The following PTPRG variants were observed in gnomAD, a reference collection of about 807,000 sequenced individuals.
PTPRG encodes the protein receptor-type tyrosine-protein phosphatase gamma.
PTPRG carries 102 observed loss-of-function variants against 165.3 expected under a neutral mutation model. The ratio of observed to expected loss-of-function variants is 0.62; its 90% CI spans 0.53 to 0.73. The LOEUF (loss-of-function observed/expected upper bound fraction) is 0.73. PTPRG is among the 30% of genes least tolerant of loss of function. The pLI is 0.00. For missense variants in PTPRG, 1,866 were observed against 1,861.4 expected (o/e 1.00, Z -0.05); for synonymous variants, 675 against 669.5 (o/e 1.01, Z -0.13).
chr3:61,570,733 C>G (rs1028139584), intron 1 of PTPRG, among the ~76,000 whole-genome samples: 1 of 152,180 alleles, frequency 6.6e-6, no homozygotes, highest in African/African-American at 2.4e-5. Context: ...GGAAATATTA[C>G]TGACTTTTTA....
intron 14 of PTPRG, among the ~76,000 whole-genome samples, chr3:62,234,988 G>A (rs994633828): frequency 6.6e-6 from 1 of 151,562 alleles, no homozygotes; most frequent in Non-Finnish European, 1.5e-5. Context: ...GTAATCTGGG[G>A]CTTAGTGAAG....
chr3:62,037,013 T>C (rs1699967583), intron 4 of PTPRG, among the ~76,000 whole-genome samples: 1 of 136,962 alleles, frequency 7.3e-6, no homozygotes, highest in Admixed American at 7.0e-5. Context: ...ACACACAGTG[T>C]TCCCTGATGT....
chr3:61,804,679 CA>C (rs201093675), intron 2 of PTPRG, among the ~76,000 whole-genome samples: 11,475 of 115,246 alleles, frequency 0.1, 515 homozygotes, highest in East Asian at 0.24. Context: ...TTTCTCTCTC[CA>C]AAAAAAAAAA....
In PTPRG at chr3:62,297,486, G is replaced by A. The variant is rs1559785558; in HGVS notation, c.*4179G>A. 2 of 150,820 alleles carry A rather than the reference G, an allele frequency of 1.3e-5. No individual in the cohort carries two copies. The highest frequency in any genetic ancestry group is 3.0e-5 in the Non-Finnish European group (2 of 67,684). The allele number at this position is 150,820 out of a possible 1,614,324, so 9.3% of individuals were successfully genotyped here. On this transcript the variant is annotated 3_prime_UTR_variant, in exon 30 of 30. Coordinates refer to ENST00000474889, the MANE Select transcript of PTPRG (RefSeq NM_002841.4). The stretch of plus-strand genomic sequence containing the variant: ...TTTTTAAATTTGTTCAGGGGGAGGG[G>A]TTTTGTAACCTGAAATTTTTCCCTT...
chr3:62,074,352 C>CTTTTTTTTTTTTTTT (rs200189646), intron 4 of PTPRG, among the ~76,000 whole-genome samples: 7 of 109,112 alleles, frequency 6.4e-5, no homozygotes, highest in African/African-American at 1.2e-4. Flanking sequence ...TCTTTTCTTT[C>CTTTTTTTTTTTTTTT]TTTTTTTTTT....
chr3:61,764,915 G>A (rs1242081541), intron 2 of PTPRG, among the ~76,000 whole-genome samples: 1 of 152,168 alleles, frequency 6.6e-6, no homozygotes, highest in Non-Finnish European at 1.5e-5. Flanking sequence ...GGCATTTAGT[G>A]GGTAGAGGAA....
chr3:62,251,509 G>A (rs527579906), intron 15 of PTPRG, among the ~76,000 whole-genome samples: 17 of 152,216 alleles, frequency 1.1e-4, no homozygotes, highest in Admixed American at 1.3e-4. Context: ...ATGGTGGCAC[G>A]GAACTATACC....
intron 5 of PTPRG, among the ~76,000 whole-genome samples, chr3:62,095,191 C>T (rs1702070227): frequency 6.6e-6 from 1 of 152,136 alleles, no homozygotes; most frequent in Non-Finnish European, 1.5e-5. Flanking sequence ...GTACCATCAC[C>T]AGTTGTTAAG....
At chr3:62,083,396 C>T (rs974431564) in intron 5 of PTPRG, among the ~76,000 whole-genome samples, 14 of 152,184 alleles carry the variant, frequency 9.2e-5, no homozygotes, top group Admixed American at 2.0e-4. Context: ...CCACCGTGCC[C>T]GGCTTTGCCA....
At chr3:62,050,711 A>C (rs905981084) in intron 4 of PTPRG, among the ~76,000 whole-genome samples, 2 of 152,170 alleles carry the variant, frequency 1.3e-5, no homozygotes, top group Non-Finnish European at 2.9e-5. Context: ...CATAACTGCA[A>C]AGTCCAGAGG....
chr3:61,792,584 A>G (rs1289938237), intron 2 of PTPRG, among the ~76,000 whole-genome samples: 2 of 152,192 alleles, frequency 1.3e-5, no homozygotes, highest in Non-Finnish European at 2.9e-5. Flanking sequence ...CAATGAATTC[A>G]GGAATTTGGG....
Position 62,099,793 on chromosome 3 carries a change from C to CTTTTT in PTPRG, c.615+21554_615+21558dup, listed in dbSNP as rs759385441. ...TAGTCATAGTACTTAAGTGTTAAAT[C>CTTTTT]TTTTTTTTTTTTTTTTTTTTTTTGA... On this transcript the variant is annotated intron_variant, in intron 5 of 29. Transcript: ENST00000474889. Among the ~76,000 whole-genome samples the CTTTTT allele has an allele frequency of 3.2e-3, 288 of 90,742 alleles. 3 individuals carry two copies. Among genetic ancestry groups the CTTTTT allele is most frequent in the South Asian group, 4.9e-3 (11 of 2,246 alleles). 59.5% of individuals were successfully genotyped at this position (90,742 alleles called of 152,430 possible).
At chr3:62,026,745 G>A (rs2041812380) in intron 4 of PTPRG, among the ~76,000 whole-genome samples, 1 of 151,982 alleles carries the variant, frequency 6.6e-6, no homozygotes, top group African/African-American at 2.4e-5. Context: ...AATTAGCCAG[G>A]CGTGGTGGCA....
chr3:61,920,247 C>T (rs771113525), intron 2 of PTPRG, among the ~76,000 whole-genome samples: 1 of 152,180 alleles, frequency 6.6e-6, no homozygotes, highest in African/African-American at 2.4e-5. Context: ...CAGAGTCTTT[C>T]CAGCTCTGTG....
intron 6 of PTPRG, among the ~76,000 whole-genome samples, chr3:62,155,054 G>A (rs561017592): frequency 1.3e-5 from 2 of 152,320 alleles, no homozygotes; most frequent in Admixed American, 1.3e-4. Flanking sequence ...CTGGTAACCA[G>A]GTTTAAATTA....
At chr3:61,903,580 G>A (rs1290555410) in intron 2 of PTPRG, among the ~76,000 whole-genome samples, 1 of 152,052 alleles carries the variant, frequency 6.6e-6, no homozygotes, top group East Asian at 1.9e-4. Context: ...CCCCATGTTG[G>A]CCAGGCTGGT....
intron 1 of PTPRG, among the ~76,000 whole-genome samples, chr3:61,609,513 A>G (rs1329479823): frequency 1.3e-5 from 2 of 152,206 alleles, no homozygotes; most frequent in Admixed American, 6.5e-5. Flanking sequence ...ACCAACAACT[A>G]CAAGCACTCT....
At chr3:61,816,547 C>T (rs760229405) in intron 2 of PTPRG, among the ~76,000 whole-genome samples, 2 of 152,004 alleles carry the variant, frequency 1.3e-5, no homozygotes, top group African/African-American at 4.8e-5. Context: ...CAAACAAACA[C>T]CAGGAAAAAT....
chr3:61,932,467 C>T (rs2039385449), intron 2 of PTPRG, among the ~76,000 whole-genome samples: 1 of 152,204 alleles, frequency 6.6e-6, no homozygotes, highest in Admixed American at 6.5e-5. Flanking sequence ...CCCACATGAG[C>T]TGACCAAGTA....
Sources: gnomAD v4.1 joint callset for allele counts (sites outside exome capture counted in the v4.1 genomes callset) on GRCh38, gnomAD v4.1.1 for gene constraint, MANE v1.5 for transcripts, NCBI Gene and HGNC (gene_info 2026-07-23, HGNC 2026-07-21) for gene names.